Variants in SYNRG observed in about 807,000 individuals in gnomAD.
The protein encoded by SYNRG is synergin gamma.
A neutral mutation model predicts 130.9 loss-of-function variants in SYNRG; 37 were observed. That is an observed-to-expected ratio of 0.28 (90% CI 0.22 to 0.37). The LOEUF is 0.37. Ranked by LOEUF, SYNRG falls within the 10% of genes least tolerant of loss-of-function variation. The probability of loss-of-function intolerance (pLI) is 1.00; values close to 1 mark genes in which losing one functional copy is unlikely to be tolerated. For synonymous variants in SYNRG, 539 were observed against 568.1 expected, an observed-to-expected ratio of 0.95 and a Z score of 0.73; for missense variants, 1,338 against 1,588.9, an observed-to-expected ratio of 0.84 and a Z score of 2.68.
intron 19 of SYNRG, among the ~76,000 whole-genome samples, chr17:37,522,156 C>CACACACACACA (rs1002250003): frequency 6.6e-6 from 1 of 151,758 alleles, no homozygotes; most frequent in African/African-American, 2.4e-5. Context: ...CACACACACA[C>CACACACACACA]AATGGTTAAA....
At chr17:37,569,679 A>AAAGGTC (rs2060269729) in intron 10 of SYNRG, among the ~76,000 whole-genome samples, 1 of 150,692 alleles carries the variant, frequency 6.6e-6, no homozygotes, top group Non-Finnish European at 1.5e-5. Context: ...ACTAAAAAGG[A>AAAGGTC]AAGGTCAAAA....
intron 3 of SYNRG, among the ~76,000 whole-genome samples, chr17:37,592,670 C>T (rs2146732209): frequency 6.6e-6 from 1 of 152,272 alleles, no homozygotes; most frequent in Non-Finnish European, 1.5e-5. Flanking sequence ...ACGCCAAACC[C>T]AAAAGGTTAA....
chr17:37,536,349 CCT>C, intron 18 of SYNRG: 1 of 550,212 alleles, frequency 1.8e-6, no homozygotes, highest in Non-Finnish European at 3.1e-6. Context: ...CCCAGCTATG[CCT>C]CTTACTGGCT....
intron 4 of SYNRG, among the ~76,000 whole-genome samples, 182 bp downstream of exon 4, chr17:37,586,237 G>T (rs775511824): frequency 2.4e-4 from 36 of 152,146 alleles, no homozygotes; most frequent in Non-Finnish European, 4.7e-4. Flanking sequence ...CAAGCAATCT[G>T]CCCACCCCAG....
In SYNRG at chr17:37,519,029, C is replaced by T. The variant is rs1385293414; in HGVS notation, c.3856G>A (p.Gly1286Arg). ...ETDSFKLAYG[G>R]HQYHASCANF... is the part of the protein sequence containing the mutation. ...GCACAGCTGGCGTGATACTGGTGCC[C>T]TCCATAGGCCAGCTTGAAACTGTCT... Residue 1286 changes from glycine to arginine, a missense_variant, in exon 22 of 22, where the codon GGG becomes AGG. Physicochemically the swap from Gly to Arg is moderately radical, Grantham distance 125. Around this residue, in one of 3 missense-constraint regions of SYNRG, gnomAD observed 1,146 missense variants for 1,342.3 expected, o/e 0.85. Transcript: ENST00000612223. 2.5e-6 allele frequency: 4 copies of T among 1,614,112 alleles called. No individual in the cohort carries two copies. The African/African-American group carries it at 4.0e-5, about 16-fold the overall frequency.
chr17:37,531,135 A>C (rs2144358660), intron 19 of SYNRG, among the ~76,000 whole-genome samples: 1 of 152,268 alleles, frequency 6.6e-6, no homozygotes, highest in South Asian at 2.1e-4. Context: ...TGGGAGGTTG[A>C]GATGGAAGGA....
intron 15 of SYNRG, 31 bp downstream of exon 15, chr17:37,541,941 A>G: frequency 1.3e-6 from 2 of 1,580,762 alleles, no homozygotes; most frequent in East Asian, 2.2e-5. Context: ...AAAAAACCAC[A>G]ATAGTAAAAT....
Position 37,517,235 on chromosome 17 carries a change from TA to T in SYNRG, c.*1704del. 6.5e-6 allele frequency: 1 copy of T among 152,948 alleles called. No homozygotes were observed. The highest frequency in any genetic ancestry group is 1.5e-5 in the Non-Finnish European group (1 of 68,620). The allele number at this position is 152,948 out of a possible 1,614,324, so 9.5% of individuals were successfully genotyped here. On this transcript the variant is annotated 3_prime_UTR_variant, in exon 22 of 22. Transcript: ENST00000612223. The stretch of plus-strand genomic sequence containing the variant: ...ATCTCAAAAAAAAACAAAGAATTTT[TA>T]AGGCCAATTAGCAGCCTGCTTGCAT...
At chr17:37,538,964 A>T in intron 17 of SYNRG, 1 of 830,358 alleles carries the variant, frequency 1.2e-6, no homozygotes, top group Non-Finnish European at 1.5e-6. Context: ...GTTATTTCTT[A>T]AACACAATGA....
intron 1 of SYNRG, 27 bp downstream of exon 1, chr17:37,609,252 G>A: frequency 2.1e-6 from 3 of 1,415,080 alleles, no homozygotes; most frequent in Non-Finnish European, 2.7e-6. Context: ...GAGGCCAGCG[G>A]GCTCCCGCCC....
intron 5 of SYNRG, 96 bp downstream of exon 5, chr17:37,585,229 G>T: frequency 1.1e-6 from 1 of 920,000 alleles, no homozygotes; most frequent in Non-Finnish European, 1.7e-6. Flanking sequence ...GCCTCAGCTT[G>T]GGCTGGTGCC....
In SYNRG at chr17:37,594,201, T is replaced by C. The variant is rs1035939719; in HGVS notation, c.240+2022A>G. Among the ~76,000 whole-genome samples, 12 of 134,594 alleles carry C rather than the reference T, an allele frequency of 8.9e-5. No individual in the cohort carries two copies. In the East Asian group the frequency reaches 2.8e-3, roughly 31 times the overall value. 88.3% of individuals were successfully genotyped at this position (134,594 alleles called of 152,430 possible). A position where few individuals can be genotyped will look rare whatever the true frequency, so the allele number is the denominator to read the frequency against. ...ACAATATTAATTATTTTAATTATAT[T>C]AATTACAATATTAATTATTTTAATT... On this transcript the variant is annotated intron_variant, in intron 3 of 21. Coordinates refer to ENST00000612223, the MANE Select transcript of SYNRG (RefSeq NM_007247.6).
At chr17:37,545,289 G>A (rs889708746) in intron 14 of SYNRG, among the ~76,000 whole-genome samples, 1 of 151,726 alleles carries the variant, frequency 6.6e-6, no homozygotes, top group African/African-American at 2.4e-5. Context: ...GCAGCTACTC[G>A]GGAGGGTGAG....
chr17:37,562,417 T>TTC (rs2059605284), intron 11 of SYNRG, among the ~76,000 whole-genome samples: 1 of 149,042 alleles, frequency 6.7e-6, no homozygotes, highest in African/African-American at 2.6e-5. Context: ...TCTTCTTCTC[T>TTC]TATCAGACCC....
chr17:37,538,969 C>G, intron 17 of SYNRG: 2 of 848,904 alleles, frequency 2.4e-6, no homozygotes, highest in Non-Finnish European at 2.8e-6. Flanking sequence ...TTCTTAAACA[C>G]AATGACAGAT....
At position 37,570,688 on chromosome 17, in the gene SYNRG, T is replaced by A. The variant is rs575503979; in HGVS notation, c.1296A>T (p.Gly432=). 4 of 1,614,050 alleles carry A rather than the reference T, an allele frequency of 2.5e-6. No individual in the cohort carries two copies. In the South Asian group the frequency reaches 4.4e-5, roughly 18 times the overall value. The change falls in exon 10 of 22, where the codon GGA becomes GGT. Residue 432 remains glycine, a synonymous_variant. Coordinates refer to ENST00000612223, the MANE Select transcript of SYNRG (RefSeq NM_007247.6). ...MGINLVGPVG[G]AAAQASSGFI... The stretch of plus-strand genomic sequence containing the variant: ...AACCACTAGAAGCCTGGGCTGCAGC[T>A]CCACCCACTGGTCCAACAAGGTTAA...
chr17:37,559,583 G>A (rs190357023), intron 13 of SYNRG, among the ~76,000 whole-genome samples: 1 of 152,262 alleles, frequency 6.6e-6, no homozygotes, highest in African/African-American at 2.4e-5. Context: ...CCAGCTACTT[G>A]AGAGTCTGAG....
intron 11 of SYNRG, among the ~76,000 whole-genome samples, chr17:37,563,208 A>C (rs2059673734): frequency 6.6e-6 from 1 of 152,246 alleles, no homozygotes; most frequent in South Asian, 2.1e-4. Flanking sequence ...GTAGTCATCA[A>C]CCGCTCCAAA....
At chr17:37,596,089 A>C (rs1187622789) in intron 3 of SYNRG, 134 bp downstream of exon 3, 1 of 1,021,232 alleles carries the variant, frequency 9.8e-7, no homozygotes, top group African/African-American at 1.6e-5. Context: ...ACACATCTTC[A>C]TTTTAGTTTG....
Sources: gnomAD v4.1 joint callset for allele counts (sites outside exome capture counted in the v4.1 genomes callset) on GRCh38, gnomAD v4.1.1 for gene constraint, gnomAD v4.1.1 regional missense constraint, MANE v1.5 for transcripts, NCBI Gene and HGNC (gene_info 2026-07-23, HGNC 2026-07-21) for gene names.